RAD51B: variants seen among roughly 807,000 people sequenced by gnomAD.
RAD51B encodes DNA repair protein RAD51 homolog 2.
In RAD51B, 38 loss-of-function variants were observed where a neutral mutation model predicts 42.2. The ratio of observed to expected loss-of-function variants is 0.90; its 90% confidence interval spans 0.70 to 1.18. The LOEUF is 1.18. Ranked by LOEUF, RAD51B falls within the 50% of genes most tolerant of loss-of-function variation. RAD51B has a pLI of 0.00. For missense variants in RAD51B, 373 were observed against 400.7 expected, an observed-to-expected ratio of 0.93 and a Z score of 0.59; for synonymous variants, 154 against 145.2, an observed-to-expected ratio of 1.06 and a Z score of -0.43.
chr14:68,294,189 C>T (rs1255346217), intron 8 of RAD51B, among the ~76,000 whole-genome samples: 2 of 152,090 alleles, frequency 1.3e-5, no homozygotes, highest in Non-Finnish European at 1.5e-5. Flanking sequence ...TTCAGGGTTG[C>T]AGTATAACTG....
At chr14:68,335,309 A>AG (rs1359638015) in intron 8 of RAD51B, among the ~76,000 whole-genome samples, 3 of 143,726 alleles carry the variant, frequency 2.1e-5, no homozygotes, top group East Asian at 4.0e-4. Context: ...AAAAAAAAAA[A>AG]AAAAGAAAAG....
chr14:67,821,328 A>T (rs187018425), intron 1 of RAD51B, among the ~76,000 whole-genome samples: 5 of 152,370 alleles, frequency 3.3e-5, no homozygotes, highest in Admixed American at 6.5e-5. Flanking sequence ...AAATTAAGGA[A>T]CAAATGAATG....
At chr14:67,879,849 T>A (rs2042850483) in intron 5 of RAD51B, among the ~76,000 whole-genome samples, 1 of 152,208 alleles carries the variant, frequency 6.6e-6, no homozygotes, top group South Asian at 2.1e-4. Context: ...TCTCTTCAGA[T>A]AATTAAAGAT....
downstream of RAD51B, among the ~76,000 whole-genome samples, chr14:68,599,230 AG>A (rs1891124556): frequency 6.6e-6 from 1 of 152,226 alleles, no homozygotes; most frequent in African/African-American, 2.4e-5. Context: ...CAGGCTGAGG[AG>A]GAGGGAAAGG....
intron 7 of RAD51B, among the ~76,000 whole-genome samples, chr14:67,998,242 G>A (rs1317841060): frequency 6.6e-6 from 1 of 152,074 alleles, no homozygotes; most frequent in African/African-American, 2.4e-5. Context: ...CATAAACATG[G>A]GTCTTTGAGG....
chr14:68,303,113 C>T (rs138503135), intron 8 of RAD51B, among the ~76,000 whole-genome samples: 104 of 152,276 alleles, frequency 6.8e-4, no homozygotes, highest in African/African-American at 2.4e-3. Flanking sequence ...AAATGTGGCA[C>T]ATACACACTG....
At chr14:67,908,158 T>G (rs2043841047) in intron 7 of RAD51B, 1 of 152,202 alleles carries the variant, frequency 6.6e-6, no homozygotes, top group Non-Finnish European at 1.5e-5. Flanking sequence ...GAATCACCTG[T>G]GGGGCTTGTT....
At position 68,128,691 on chromosome 14, in the gene RAD51B, C is replaced by CA. The variant is rs1023320942; in HGVS notation, c.757-163185dup. On this transcript the variant is annotated intron_variant, in intron 7 of 10. Coordinates refer to ENST00000471583, the MANE Select transcript of RAD51B (RefSeq NM_133510.4). ...TAGGTGACAGAGTGAGACCCTGTCT[C>CA]AAAAAAAACGTGAGTGGGGGGGCTT... 1.3e-3 allele frequency among the ~76,000 whole-genome samples: 190 copies of CA among 151,624 alleles called. 1 individual carries two copies. Among genetic ancestry groups the CA allele is most frequent in the African/African-American group, 4.4e-3 (181 of 41,358 alleles).
chr14:68,549,095 G>A (rs1566934395), intron 10 of RAD51B, among the ~76,000 whole-genome samples: 1 of 152,118 alleles, frequency 6.6e-6, no homozygotes, highest in Non-Finnish European at 1.5e-5. Context: ...AGGGTTTTGA[G>A]CCCCAGGAGT....
chr14:68,001,422 A>G (rs1025473193), intron 7 of RAD51B, among the ~76,000 whole-genome samples: 1 of 152,124 alleles, frequency 6.6e-6, no homozygotes, highest in Non-Finnish European at 1.5e-5. Flanking sequence ...TGATGAATCA[A>G]TGTAAAATTT....
chr14:68,399,821 A>T (rs1215780940), intron 8 of RAD51B, among the ~76,000 whole-genome samples: 1 of 152,192 alleles, frequency 6.6e-6, no homozygotes, highest in African/African-American at 2.4e-5. Context: ...TACTGGCAAT[A>T]TTCAAACTTT....
intron 8 of RAD51B, among the ~76,000 whole-genome samples, chr14:68,301,753 C>T (rs1207425215): frequency 1.3e-5 from 2 of 152,088 alleles, no homozygotes; most frequent in Non-Finnish European, 2.9e-5. Flanking sequence ...TGCACCACCA[C>T]GCCTGGCTAA....
intron 7 of RAD51B, among the ~76,000 whole-genome samples, chr14:68,110,397 T>C (rs2077441910): frequency 6.6e-6 from 1 of 152,008 alleles, no homozygotes; most frequent in African/African-American, 2.4e-5. Flanking sequence ...GAGACAAAAC[T>C]GAATGGCTTC....
rs199866284 is a variant in RAD51B, at chr14:68,183,832, G to A, written c.757-108052G>A. ...GGTAAGGCCGGGCGTAGTGGCTCAC[G>A]CCTGTAATCCCAGCACTTTGGGAGG... On this transcript the variant is annotated intron_variant, in intron 7 of 10. Coordinates refer to ENST00000471583, the MANE Select transcript of RAD51B (RefSeq NM_133510.4). Among the ~76,000 whole-genome samples the A allele has an allele frequency of 1.2e-4, 18 of 151,986 alleles. 1 individual carries two copies. Among genetic ancestry groups the A allele is most frequent in the Admixed American group, 1.2e-3 (18 of 15,260 alleles).
chr14:68,059,551 A>G (rs930978073), intron 7 of RAD51B, among the ~76,000 whole-genome samples: 2 of 152,162 alleles, frequency 1.3e-5, no homozygotes, highest in East Asian at 3.8e-4. Flanking sequence ...TATTTGTAAC[A>G]TATGCCCGTA....
chr14:68,679,974 A>G (rs1893392296), intron 11 of RAD51B, among the ~76,000 whole-genome samples: 1 of 152,248 alleles, frequency 6.6e-6, no homozygotes, highest in Admixed American at 6.5e-5. Flanking sequence ...TACAATAATA[A>G]GTAAGATAAA....
At chr14:68,447,987 A>G (rs2085461994) in intron 9 of RAD51B, among the ~76,000 whole-genome samples, 1 of 152,262 alleles carries the variant, frequency 6.6e-6, no homozygotes, top group Non-Finnish European at 1.5e-5. Flanking sequence ...TGGAAAAAGC[A>G]AAGATGAATA....
chr14:68,106,330 C>A (rs370378116), intron 7 of RAD51B, among the ~76,000 whole-genome samples: 4 of 151,750 alleles, frequency 2.6e-5, no homozygotes, highest in African/African-American at 9.7e-5. Flanking sequence ...AATAACTCAA[C>A]AATCATTTTC....
At chr14:67,887,371 A>C (rs1385519700) in intron 7 of RAD51B, 167 bp downstream of exon 7, 9 of 509,284 alleles carry the variant, frequency 1.8e-5, no homozygotes, top group Non-Finnish European at 3.1e-5. Flanking sequence ...CCATCATCTT[A>C]AATTAGCTCA....
Sources: gnomAD v4.1 joint callset for allele counts (sites outside exome capture counted in the v4.1 genomes callset) on GRCh38, gnomAD v4.1.1 for gene constraint, MANE v1.5 for transcripts, NCBI Gene and HGNC (gene_info 2026-07-23, HGNC 2026-07-21) for gene names.